CWF19L2: variants seen among roughly 807,000 people sequenced by gnomAD.
CWF19L2 encodes the protein CWF19 like cell cycle control factor 2.
A neutral mutation model predicts 111.7 loss-of-function variants in CWF19L2; 98 were observed. The ratio of observed to expected loss-of-function variants is 0.88; its 90% CI spans 0.75 to 1.04. The LOEUF is 1.04. Ranked by LOEUF, CWF19L2 falls within the 50% of genes least tolerant of loss-of-function variation. CWF19L2 has a pLI of 0.00. For synonymous variants in CWF19L2, 351 were observed against 342.9 expected (o/e 1.02, Z -0.26); for missense variants, 1,101 against 1,051.4 (o/e 1.05, Z -0.65).
At chr11:107,378,433 A>T (rs567612305) in intron 12 of CWF19L2, among the ~76,000 whole-genome samples, 52 of 152,246 alleles carry the variant, frequency 3.4e-4, no homozygotes, top group African/African-American at 1.1e-3. Flanking sequence ...AATACTATGC[A>T]GCCGTAAAAA....
intron 5 of CWF19L2, among the ~76,000 whole-genome samples, chr11:107,440,018 G>A (rs1861599440): frequency 6.6e-6 from 1 of 152,204 alleles, no homozygotes; most frequent in Non-Finnish European, 1.5e-5. Context: ...AGTGTCTCCT[G>A]TGTTCTAAGC....
chr11:107,407,327 T>C (rs1244210178), intron 10 of CWF19L2, among the ~76,000 whole-genome samples: 21 of 152,046 alleles, frequency 1.4e-4, no homozygotes, highest in Admixed American at 1.4e-3. Flanking sequence ...TTTTTCCACT[T>C]AAAATGTTTT....
At chr11:107,395,961 A>T (rs1216404814) in intron 10 of CWF19L2, among the ~76,000 whole-genome samples, 2 of 152,082 alleles carry the variant, frequency 1.3e-5, no homozygotes, top group African/African-American at 4.8e-5. Context: ...CTGGCACCTC[A>T]GACAGATTAA....
At position 107,429,232 on chromosome 11, in the gene CWF19L2, C is replaced by T. The variant is rs748661062; in HGVS notation, c.1000G>A (p.Gly334Ser). 6.2e-7 allele frequency: 1 copy of T among 1,612,406 alleles called. No homozygotes were observed. Among genetic ancestry groups the T allele is most frequent in the Non-Finnish European group, 8.5e-7 (1 of 1,179,452 alleles). The change falls in exon 8 of 18, where the codon GGT becomes AGT. Residue 334 changes from glycine to serine, a missense_variant. Coordinates refer to ENST00000282251, the MANE Select transcript of CWF19L2 (RefSeq NM_152434.3). ...CCAGGTCTCTTATCTTTTTCATCAC[C>T]AATAAATTTTTCATTATTGCTATTT... ...AKNSNNEKFI[G>S]DEKDKRPGSL... is the part of the protein sequence containing the mutation.
chr11:107,442,968 A>C lies in CWF19L2; in HGVS notation c.421T>G (p.Ser141Ala), dbSNP rs956085299. The part of the protein sequence containing the change: ...EKAWKVKDEK[S>A]GKDDTQIIKR... ...ATAATTTGGGTGTCATCTTTTCCTG[A>C]CTTTTCATCTTTCACTTTCCAGGCT... Residue 141 changes from serine (S) to alanine (A), a missense_variant, in exon 4 of 18, where the codon TCA becomes GCA. Coordinates refer to ENST00000282251, the MANE Select transcript of CWF19L2 (RefSeq NM_152434.3). 2.6e-6 allele frequency: 4 copies of C among 1,551,326 alleles called. No individual in the cohort carries two copies. Among genetic ancestry groups the C allele is most frequent in the Non-Finnish European group, 3.5e-6 (4 of 1,146,578 alleles).
Position 107,454,585 on chromosome 11 carries a change from T to G in CWF19L2, c.217-13A>C, listed in dbSNP as rs1296017081. Reference sequence around the variant, plus strand: ...TCACAGAGTGTTCCTACAATCATTTTGAACAGGCAAGAAAATAATTTAATT... The same window carrying G: ...TCACAGAGTGTTCCTACAATCATTTGGAACAGGCAAGAAAATAATTTAATT... On this transcript the variant is annotated splice_polypyrimidine_tract_variant and intron_variant, in intron 2 of 17. Transcript: ENST00000282251. The G allele has an allele frequency of 3.7e-6, 5 of 1,341,866 alleles. No individual in the cohort carries two copies. Among genetic ancestry groups the G allele is most frequent in the Non-Finnish European group, 4.8e-6 (5 of 1,044,006 alleles). 83.1% of individuals were successfully genotyped at this position (1,341,866 alleles called of 1,614,324 possible). A position where few individuals can be genotyped will look rare whatever the true frequency, so the allele number is the denominator to read the frequency against.
At chr11:107,383,403 G>T (rs1860721216) in intron 12 of CWF19L2, among the ~76,000 whole-genome samples, 1 of 152,204 alleles carries the variant, frequency 6.6e-6, no homozygotes, top group African/African-American at 2.4e-5. Context: ...GGTCACAGAA[G>T]TCTTCTGTGC....
chr11:107,451,030 C>T (rs1437853259), intron 3 of CWF19L2, among the ~76,000 whole-genome samples: 1 of 152,100 alleles, frequency 6.6e-6, no homozygotes, highest in East Asian at 1.9e-4. Flanking sequence ...CTATACCTAA[C>T]AATGGCAGAA....
intron 17 of CWF19L2, among the ~76,000 whole-genome samples, chr11:107,327,961 T>C (rs181593711): frequency 3.9e-5 from 6 of 152,258 alleles, no homozygotes; most frequent in South Asian, 2.1e-4. Context: ...GGACCTACTA[T>C]GCAGAAGCAA....
intron 16 of CWF19L2, among the ~76,000 whole-genome samples, chr11:107,330,644 CCACA>C (rs56313409): frequency 0.042 from 5,107 of 121,602 alleles, 130 homozygotes; most frequent in South Asian, 0.047. Context: ...ACCCCCCCCA[CCACA>C]CACACACACA....
At chr11:107,355,569 A>G (rs1415486475) in intron 12 of CWF19L2, among the ~76,000 whole-genome samples, 1 of 109,470 alleles carries the variant, frequency 9.1e-6, no homozygotes, top group Non-Finnish European at 2.1e-5. Context: ...GACAAAGCAG[A>G]TTTCATAGCA....
intron 9 of CWF19L2, among the ~76,000 whole-genome samples, chr11:107,416,602 A>G (rs1861229905): frequency 6.6e-6 from 1 of 152,230 alleles, no homozygotes; most frequent in Non-Finnish European, 1.5e-5. Flanking sequence ...TAAATATTAC[A>G]AAAGTTCAAT....
At chr11:107,348,799 T>C (rs766294381) in intron 14 of CWF19L2, 138 bp downstream of exon 14, 11 of 498,410 alleles carry the variant, frequency 2.2e-5, no homozygotes, top group Middle Eastern at 4.9e-4. Context: ...CACAGATATA[T>C]ACAACTATGA....
In CWF19L2 at chr11:107,390,054, A is replaced by T. The variant is rs759014251; in HGVS notation, c.1872+20T>A. On this transcript the variant is annotated intron_variant, in intron 12 of 17. Transcript: ENST00000282251. ...AATCAGCTTCTCAAAATTCAGAGGT[A>T]TCCTAGGAATATATCTTACCTTAGA... is the stretch of plus-strand genomic sequence containing the variant. 3.9e-5 allele frequency: 63 copies of T among 1,600,654 alleles called. No individual in the cohort carries two copies. The highest frequency in any genetic ancestry group is 3.9e-5 in the Non-Finnish European group (46 of 1,170,576).
intron 14 of CWF19L2, among the ~76,000 whole-genome samples, chr11:107,343,160 T>C (rs772852960): frequency 6.6e-6 from 1 of 152,252 alleles, no homozygotes; most frequent in Non-Finnish European, 1.5e-5. Flanking sequence ...AGTTCTTTTA[T>C]ATCCTTGATG....
chr11:107,431,902 T>C (rs1186207719), intron 7 of CWF19L2, among the ~76,000 whole-genome samples: 1 of 152,152 alleles, frequency 6.6e-6, no homozygotes, highest in Non-Finnish European at 1.5e-5. Context: ...ATAAGACTTA[T>C]GCAAAGTTTG....
chr11:107,359,789 T>A (rs1478600108), intron 12 of CWF19L2, among the ~76,000 whole-genome samples: 1 of 151,988 alleles, frequency 6.6e-6, no homozygotes, highest in African/African-American at 2.4e-5. Context: ...AAGGAATACT[T>A]CCACCAAGGG....
At chr11:107,355,415 CAA>C (rs5794543) in intron 12 of CWF19L2, among the ~76,000 whole-genome samples, 5,245 of 141,478 alleles carry the variant, frequency 0.037, 121 homozygotes, top group Non-Finnish European at 0.057. Context: ...AACTCCGTCT[CAA>C]AAAAAAAAAA....
intron 8 of CWF19L2, among the ~76,000 whole-genome samples, chr11:107,424,257 CCATA>C (rs1425048455): frequency 1.2e-4 from 18 of 151,446 alleles, no homozygotes; most frequent in Admixed American, 1.2e-3. Flanking sequence ...CCACACTCAC[CCATA>C]CTAACCTCAG....
Sources: gnomAD v4.1 joint callset for allele counts (sites outside exome capture counted in the v4.1 genomes callset) on GRCh38, gnomAD v4.1.1 for gene constraint, MANE v1.5 for transcripts, NCBI Gene and HGNC (gene_info 2026-07-23, HGNC 2026-07-21) for gene names.